Variants in KDM7A observed in about 807,000 individuals in gnomAD.
KDM7A encodes lysine-specific demethylase 7A.
KDM7A carries 28 observed loss-of-function variants against 114.8 expected under a neutral mutation model. The ratio of observed to expected loss-of-function variants is 0.24; its 90% CI spans 0.18 to 0.33. The LOEUF (loss-of-function observed/expected upper bound fraction) is 0.33, where lower values mean the gene tolerates loss of function less well. Ranked by LOEUF, KDM7A falls within the 10% of genes least tolerant of loss-of-function variation. The probability of loss-of-function intolerance (pLI) is 1.00; values close to 1 mark genes in which losing one functional copy is unlikely to be tolerated. For missense variants in KDM7A, 942 were observed against 1,142.5 expected (o/e 0.82, Z 2.53); for synonymous variants, 423 against 397.8 (o/e 1.06, Z -0.75).
chr7:140,090,982 G>T lies in KDM7A; in HGVS notation c.*112C>A. The T allele has an allele frequency of 1.4e-6, 1 of 736,630 alleles. No homozygotes were observed. Among genetic ancestry groups the T allele is most frequent in the Non-Finnish European group, 2.4e-6 (1 of 412,440 alleles). The allele number at this position is 736,630 out of a possible 1,614,324, so 45.6% of individuals were successfully genotyped here. A position where few individuals can be genotyped will look rare whatever the true frequency, so the allele number is the denominator to read the frequency against. The stretch of plus-strand genomic sequence containing the variant: ...TCAGGTTCATTCTGTTCTTCGGGCA[G>T]TGTTCTTACTATACACACAAACTGC... On this transcript the variant is annotated 3_prime_UTR_variant, in exon 20 of 20. Coordinates refer to ENST00000397560, the MANE Select transcript of KDM7A (RefSeq NM_030647.2).
At chr7:140,091,666 G>C in intron 19 of KDM7A, 138 bp downstream of exon 19, 1 of 929,134 alleles carries the variant, frequency 1.1e-6, no homozygotes, top group Non-Finnish European at 1.7e-6. Flanking sequence ...GTAGTAGCCT[G>C]TGTATACTGC....
intron 3 of KDM7A, among the ~76,000 whole-genome samples, chr7:140,132,825 A>T (rs1256985658): frequency 6.6e-6 from 1 of 152,192 alleles, no homozygotes; most frequent in Non-Finnish European, 1.5e-5. Flanking sequence ...TCGTTTCAGG[A>T]TCTGAAATAA....
chr7:140,148,437 TAGTAAC>T (rs1000343057), intron 1 of KDM7A, among the ~76,000 whole-genome samples: 12 of 152,148 alleles, frequency 7.9e-5, no homozygotes, highest in African/African-American at 2.6e-4. Context: ...AGATGGGAAA[TAGTAAC>T]AGTAACCCCC....
intron 8 of KDM7A, among the ~76,000 whole-genome samples, chr7:140,119,601 C>A (rs966963851): frequency 1.1e-4 from 17 of 152,200 alleles, no homozygotes; most frequent in Non-Finnish European, 4.4e-5. Context: ...TATTTAGGCT[C>A]CACTAGGCAT....
At chr7:140,123,941 G>A (rs1818656508) in intron 7 of KDM7A, among the ~76,000 whole-genome samples, 1 of 151,992 alleles carries the variant, frequency 6.6e-6, no homozygotes, top group African/African-American at 2.4e-5. Context: ...ATGGTGGCGG[G>A]CGCCTGTAGT....
At chr7:140,105,971 G>A (rs749991376) in intron 11 of KDM7A, among the ~76,000 whole-genome samples, 1 of 152,122 alleles carries the variant, frequency 6.6e-6, no homozygotes, top group Non-Finnish European at 1.5e-5. Flanking sequence ...TTCAGAGCCT[G>A]TTACTGGTAT....
chr7:140,096,334 G>A (rs1255660064), intron 17 of KDM7A, among the ~76,000 whole-genome samples: 1 of 152,224 alleles, frequency 6.6e-6, no homozygotes, highest in African/African-American at 2.4e-5. Context: ...GTAGAATGAT[G>A]CTAGTGAACA....
chr7:140,105,931 G>C (rs1585142078), intron 11 of KDM7A, among the ~76,000 whole-genome samples: 2 of 151,970 alleles, frequency 1.3e-5, no homozygotes, highest in South Asian at 4.1e-4. Context: ...GACTTTTTTT[G>C]GGTGGTAGGC....
At position 140,176,833 on chromosome 7, in the gene KDM7A, G is replaced by A; in HGVS notation, c.105C>T (p.Pro35=). 1 of 1,336,994 alleles carries A rather than the reference G, an allele frequency of 7.5e-7. No homozygotes were observed. Among genetic ancestry groups the A allele is most frequent in the Non-Finnish European group, 9.8e-7 (1 of 1,023,740 alleles). The allele number at this position is 1,336,994 out of a possible 1,614,324, so 82.8% of individuals were successfully genotyped here. ...GCCGGCACACACAGTACACGGGCGG[G>A]GGCGGCGGAGGCGCCGAGGCCCGGC... is the stretch of plus-strand genomic sequence containing the variant. ...APGRASAPPP[P]PPVYCVCRQP... The change falls in exon 1 of 20, where the codon CCC becomes CCT. Residue 35 remains proline, a synonymous_variant. Transcript: ENST00000397560. This position sits in a 1 kb window ranked among gnomAD's most constrained non-coding sequence, Gnocchi z 4.4.
Position 140,088,430 on chromosome 7 carries a change from T to C in KDM7A, c.*2664A>G. 1 of 398,190 alleles carries C rather than the reference T, an allele frequency of 2.5e-6. No homozygotes were observed. The highest frequency in any genetic ancestry group is 3.6e-5 in the East Asian group (1 of 28,064). The allele number at this position is 398,190 out of a possible 1,614,324, so 24.7% of individuals were successfully genotyped here. A position where few individuals can be genotyped will look rare whatever the true frequency, so the allele number is the denominator to read the frequency against. ...TAATTCTCAATTTTACATATTTGTATTTGGTTACAACTAGCTAAATGCTAT... is the reference window on the plus strand; with the variant it reads ...TAATTCTCAATTTTACATATTTGTACTTGGTTACAACTAGCTAAATGCTAT... On this transcript the variant is annotated 3_prime_UTR_variant, in exon 20 of 20. Transcript: ENST00000397560.
rs3216972 is a variant in KDM7A, at chr7:140,085,227, CAAG to C, written c.*5864_*5866del. 0.2 allele frequency: 31,157 copies of C among 152,090 alleles called. 3,315 individuals are homozygous for C. Among genetic ancestry groups the C allele is most frequent in the African/African-American group, 0.27 (11,133 of 41,390 alleles). The allele number at this position is 152,090 out of a possible 1,614,324, so 9.4% of individuals were successfully genotyped here. A position where few individuals can be genotyped will look rare whatever the true frequency, so the allele number is the denominator to read the frequency against. ...GACGCTATTCCGCAGACACCCCCAACAAGAAGAACAGTCCCCTCGGACCGTGGG... is the reference window on the plus strand; with the variant it reads ...GACGCTATTCCGCAGACACCCCCAACAAGAACAGTCCCCTCGGACCGTGGG... On this transcript the variant is annotated 3_prime_UTR_variant, in exon 20 of 20. Coordinates refer to ENST00000397560, the MANE Select transcript of KDM7A (RefSeq NM_030647.2).
intron 11 of KDM7A, among the ~76,000 whole-genome samples, chr7:140,110,879 C>T (rs1818419502): frequency 6.6e-6 from 1 of 152,064 alleles, no homozygotes; most frequent in African/African-American, 2.4e-5. Flanking sequence ...GTAACTGTTT[C>T]CTTATTACTT....
At chr7:140,175,073 G>A (rs1371742522) in intron 1 of KDM7A, among the ~76,000 whole-genome samples, 3 of 152,182 alleles carry the variant, frequency 2.0e-5, no homozygotes, top group African/African-American at 7.2e-5. Context: ...ATATGTTATG[G>A]AAACAGGATG....
At chr7:140,162,401 T>C (rs1376311063) in intron 1 of KDM7A, among the ~76,000 whole-genome samples, 1 of 152,076 alleles carries the variant, frequency 6.6e-6, no homozygotes, top group Non-Finnish European at 1.5e-5. Context: ...GAAATTCCTA[T>C]GTTTTGTGCT....
At chr7:140,138,781 G>A (rs1308966066) in intron 2 of KDM7A, among the ~76,000 whole-genome samples, 1 of 152,146 alleles carries the variant, frequency 6.6e-6, no homozygotes. Context: ...TTTGTGAAGA[G>A]AGCAAAACAA....
At chr7:140,126,963 T>C (rs1818715425) in intron 5 of KDM7A, 140 bp from the exon 6 acceptor site, 1 of 674,232 alleles carries the variant, frequency 1.5e-6, no homozygotes, top group South Asian at 2.0e-5. Context: ...TTAAAACACA[T>C]GTTTGTTTGT....
intron 7 of KDM7A, among the ~76,000 whole-genome samples, chr7:140,121,664 ATG>A (rs1197641491): frequency 6.6e-6 from 1 of 152,212 alleles, no homozygotes; most frequent in Non-Finnish European, 1.5e-5. Context: ...GGAGTACAAT[ATG>A]TGAGACAGTT....
In KDM7A at chr7:140,102,124, G is replaced by A; in HGVS notation, c.1465C>T (p.Pro489Ser). The change falls in exon 12 of 20, where the codon CCT (proline) becomes TCT (serine). Residue 489 changes from proline (P) to serine (S), a missense_variant. This residue lies in a region of KDM7A where 512 missense variants were observed against 576.6 expected (regional missense o/e 0.89). Coordinates refer to ENST00000397560, the MANE Select transcript of KDM7A (RefSeq NM_030647.2). The part of the protein sequence containing the change: ...NGKPVKSQGI[P>S]IVCPVSRSSN... ...GATCGTGAAACTGGACACACAATAG[G>A]AATTCCCTGAGATTTAACTGGTTTG... is the stretch of plus-strand genomic sequence containing the variant. 6.2e-7 allele frequency: 1 copy of A among 1,613,932 alleles called. No individual in the cohort carries two copies. Among genetic ancestry groups the A allele is most frequent in the Non-Finnish European group, 8.5e-7 (1 of 1,179,856 alleles).
At position 140,096,786 on chromosome 7, in the gene KDM7A, A is replaced by C. The variant is rs754463770; in HGVS notation, c.2166-23T>G. On this transcript the variant is annotated intron_variant, in intron 16 of 19. Coordinates refer to ENST00000397560, the MANE Select transcript of KDM7A (RefSeq NM_030647.2). ...TCCCTAAAGAAGAGATGATCCAAAA[A>C]CACAAGAGTCTATTTTTTCTGATGA... The C allele has an allele frequency of 3.6e-5, 57 of 1,604,602 alleles. No homozygotes were observed. In the Admixed American group the frequency reaches 4.4e-4, roughly 12 times the overall value.
Sources: allele counts gnomAD v4.1 joint callset (sites outside exome capture counted in the v4.1 genomes callset), GRCh38; gene constraint gnomAD v4.1.1; regional missense constraint gnomAD v4.1.1; non-coding constraint Gnocchi (gnomAD v3.1); transcripts MANE v1.5; gene names NCBI Gene and HGNC (gene_info 2026-07-23, HGNC 2026-07-21).